Variants in RABGAP1 observed in about 807,000 individuals in gnomAD.
RABGAP1 encodes RAB GTPase activating protein 1.
RABGAP1 carries 23 observed loss-of-function variants against 137.6 expected under a neutral mutation model. That is an observed-to-expected ratio of 0.17 (90% CI 0.12 to 0.24). RABGAP1 has a LOEUF of 0.24. Among genes scored for constraint, RABGAP1 ranks in the 10% least tolerant of loss-of-function variants. RABGAP1 has a pLI of 1.00. For synonymous variants in RABGAP1, 451 were observed against 450.7 expected (o/e 1.00, Z -0.01); for missense variants, 906 against 1,275.8 (o/e 0.71, Z 4.42).
intron 14 of RABGAP1, among the ~76,000 whole-genome samples, chr9:123,069,440 G>A (rs2132134623): frequency 6.6e-6 from 1 of 152,260 alleles, no homozygotes; most frequent in South Asian, 2.1e-4. Flanking sequence ...AGATGGACAT[G>A]TAAAATGCAG....
chr9:123,090,099 TA>T (rs1307357931), intron 20 of RABGAP1, among the ~76,000 whole-genome samples, 175 bp from the exon 21 acceptor site: 2 of 152,230 alleles, frequency 1.3e-5, no homozygotes, highest in African/African-American at 4.8e-5. Flanking sequence ...ATCAGTTAAG[TA>T]TTTCTTTATG....
intron 13 of RABGAP1, 31 bp downstream of exon 13, chr9:123,020,490 A>C (rs747158001): frequency 3.4e-6 from 5 of 1,487,386 alleles, no homozygotes; most frequent in Non-Finnish European, 3.6e-6. Flanking sequence ...CTTCAGCATT[A>C]ATCCTTTTAG....
chr9:123,004,864 C>G (rs1326545637), intron 10 of RABGAP1, among the ~76,000 whole-genome samples: 1 of 151,804 alleles, frequency 6.6e-6, no homozygotes, highest in Non-Finnish European at 1.5e-5. Flanking sequence ...CAAGACCAGC[C>G]TGACCAACAT....
intron 10 of RABGAP1, among the ~76,000 whole-genome samples, chr9:123,000,643 C>T (rs1268870065): frequency 6.6e-6 from 1 of 152,106 alleles, no homozygotes; most frequent in Non-Finnish European, 1.5e-5. Flanking sequence ...GTACAATAGT[C>T]CTCATCTGAG....
chr9:122,961,964 TATAAG>T (rs1834877769), intron 2 of RABGAP1, among the ~76,000 whole-genome samples: 1 of 152,176 alleles, frequency 6.6e-6, no homozygotes, highest in Non-Finnish European at 1.5e-5. Context: ...AGAAGGTTAA[TATAAG>T]AAAAGCTGTA....
intron 2 of RABGAP1, among the ~76,000 whole-genome samples, chr9:122,972,258 T>C (rs1043339392): frequency 6.6e-6 from 1 of 152,160 alleles, no homozygotes; most frequent in Non-Finnish European, 1.5e-5. Flanking sequence ...AGTGCGACCC[T>C]GTCTCTTTAA....
intron 1 of RABGAP1, among the ~76,000 whole-genome samples, chr9:122,943,959 A>G (rs535367756): frequency 1.3e-5 from 2 of 152,324 alleles, no homozygotes; most frequent in African/African-American, 4.8e-5. Context: ...TCTCAAAAAA[A>G]AAAGAAGTTT....
chr9:123,021,070 G>A (rs953383571), intron 13 of RABGAP1, among the ~76,000 whole-genome samples: 1 of 151,912 alleles, frequency 6.6e-6, no homozygotes, highest in Admixed American at 6.6e-5. Context: ...TCATGTTTTC[G>A]GTTTTAGTTT....
chr9:122,979,981 G>A (rs1348733107), intron 2 of RABGAP1, among the ~76,000 whole-genome samples: 2 of 152,228 alleles, frequency 1.3e-5, no homozygotes, highest in African/African-American at 4.8e-5. Flanking sequence ...GAGATAAGTA[G>A]TTGCTAGTTG....
At chr9:122,940,344 T>A (rs900156706), upstream of RABGAP1, 7 of 152,246 alleles carry the variant, frequency 4.6e-5, no homozygotes, top group Non-Finnish European at 1.0e-4. Context: ...TGTAACCTTG[T>A]CCATTTCTGT....
chr9:123,016,357 G>A (rs549048528), intron 12 of RABGAP1, among the ~76,000 whole-genome samples: 2 of 152,050 alleles, frequency 1.3e-5, no homozygotes, highest in African/African-American at 2.4e-5. Flanking sequence ...AATTGAAAAA[G>A]TTAACTGGGC....
At chr9:122,995,403 A>G (rs1365489140) in intron 6 of RABGAP1, among the ~76,000 whole-genome samples, 1 of 152,190 alleles carries the variant, frequency 6.6e-6, no homozygotes, top group African/African-American at 2.4e-5. Context: ...AGTGATAAAT[A>G]TAAAGGAAAG....
chr9:123,032,915 A>G (rs1225721601), intron 13 of RABGAP1, among the ~76,000 whole-genome samples: 1 of 152,206 alleles, frequency 6.6e-6, no homozygotes, highest in East Asian at 1.9e-4. Flanking sequence ...CCTGAGTAGA[A>G]GAAGGTACAT....
At chr9:122,999,029 G>A (rs1588242251) in intron 10 of RABGAP1, among the ~76,000 whole-genome samples, 1 of 152,152 alleles carries the variant, frequency 6.6e-6, no homozygotes, top group Admixed American at 6.5e-5. Context: ...TGCTAAAGAT[G>A]TATTCTCTTA....
chr9:122,972,978 T>TAAAAA (rs10686868), intron 2 of RABGAP1, among the ~76,000 whole-genome samples: 1 of 145,108 alleles, frequency 6.9e-6, no homozygotes, highest in Non-Finnish European at 1.5e-5. Context: ...CTTTATATAT[T>TAAAAA]AAAAAAAAAA....
chr9:123,079,150 T>C (rs1234756108), intron 19 of RABGAP1, among the ~76,000 whole-genome samples: 2 of 152,204 alleles, frequency 1.3e-5, no homozygotes, highest in African/African-American at 4.8e-5. Context: ...TGCTACAGTT[T>C]ATTTAACTGT....
chr9:123,016,842 T>C (rs1161037010), intron 12 of RABGAP1, among the ~76,000 whole-genome samples: 1 of 152,224 alleles, frequency 6.6e-6, no homozygotes, highest in Non-Finnish European at 1.5e-5. Flanking sequence ...AAGCATTGTG[T>C]CATGCCCTTA....
chr9:122,990,718 G>A (rs112942091), intron 6 of RABGAP1: 13 of 133,268 alleles, frequency 9.8e-5, no homozygotes, highest in Admixed American at 4.9e-4. Flanking sequence ...GCAGTGAGCC[G>A]AGATCCTGCC....
At chr9:123,099,384 T>A in intron 23 of RABGAP1, 94 bp from the exon 24 acceptor site, 3 of 1,200,456 alleles carry the variant, frequency 2.5e-6, no homozygotes, top group Non-Finnish European at 2.5e-6. Flanking sequence ...GCTACTATGT[T>A]AATTCCAATT....
Sources: gnomAD v4.1 joint callset for allele counts (sites outside exome capture counted in the v4.1 genomes callset) on GRCh38, gnomAD v4.1.1 for gene constraint, MANE v1.5 for transcripts, NCBI Gene and HGNC (gene_info 2026-07-23, HGNC 2026-07-21) for gene names.